CNTNAP5: variants seen among roughly 807,000 people sequenced by gnomAD.
CNTNAP5 encodes the protein contactin associated protein family member 5, also known as contactin-associated protein-like 5.
Under a neutral mutation model 150.2 loss-of-function variants are expected in CNTNAP5, and 72 were observed. The observed-to-expected ratio is 0.48, with a 90% CI of 0.40 to 0.58. CNTNAP5 has a LOEUF of 0.58. CNTNAP5 is among the 20% of genes least tolerant of loss of function. The pLI, the probability that CNTNAP5 is intolerant of heterozygous loss-of-function variation, is 0.00. For synonymous variants in CNTNAP5, 672 were observed against 619.8 expected, an observed-to-expected ratio of 1.08 and a Z score of -1.25; for missense variants, 1,636 against 1,626.2, an observed-to-expected ratio of 1.01 and a Z score of -0.10.
chr2:124,684,508 T>C (rs1356578215), intron 13 of CNTNAP5, among the ~76,000 whole-genome samples: 1 of 152,202 alleles, frequency 6.6e-6, no homozygotes, highest in Non-Finnish European at 1.5e-5. Flanking sequence ...TGACTTTCTC[T>C]TGTAAACTGG....
In CNTNAP5 at chr2:124,869,696, A is replaced by C; in HGVS notation, c.3370A>C (p.Ser1124Arg). The C allele has an allele frequency of 6.2e-7, 1 of 1,612,052 alleles. No homozygotes were observed. The highest frequency in any genetic ancestry group is 8.5e-7 in the Non-Finnish European group (1 of 1,178,654). ...GCAGATGGACCAGCAACTTCGACTC[A>C]GTTATAACTTCTCTCCGGAAGTAGA... Reference protein sequence around the residue: ...TIQMDQQLRLSYNFSPEVEFR... With the variant: ...TIQMDQQLRLRYNFSPEVEFR... The change falls in exon 21 of 24, where the codon AGT becomes CGT. Residue 1124 changes from serine (S) to arginine (R), a missense_variant. By Grantham distance (110) the Ser-to-Arg change is moderately radical (BLOSUM62 -1). Transcript: ENST00000682447.
intron 10 of CNTNAP5, among the ~76,000 whole-genome samples, chr2:124,545,243 T>G (rs926017207): frequency 6.6e-6 from 1 of 152,126 alleles, no homozygotes; most frequent in African/African-American, 2.4e-5. Context: ...TATGTTGAAG[T>G]TATTGACAGA....
chr2:124,086,710 A>G (rs12473154), intron 1 of CNTNAP5, among the ~76,000 whole-genome samples: 57,066 of 151,328 alleles, frequency 0.38, 11,606 homozygotes, highest in Admixed American at 0.44. Flanking sequence ...TGTCATATTT[A>G]TAGTAAGTTT....
At chr2:124,352,824 A>T (rs1689905797) in intron 3 of CNTNAP5, among the ~76,000 whole-genome samples, 1 of 152,206 alleles carries the variant, frequency 6.6e-6, no homozygotes, top group Non-Finnish European at 1.5e-5. Flanking sequence ...CAGCAAGATA[A>T]CTGGAAGCTG....
At chr2:124,910,947 C>T (rs893748784) in intron 22 of CNTNAP5, among the ~76,000 whole-genome samples, 5 of 151,920 alleles carry the variant, frequency 3.3e-5, no homozygotes, top group African/African-American at 9.7e-5. Context: ...TTAAGGCCTG[C>T]GTACCCTTAA....
intron 1 of CNTNAP5, among the ~76,000 whole-genome samples, chr2:124,169,389 G>A (rs1249572736): frequency 1.3e-5 from 2 of 151,980 alleles, no homozygotes; most frequent in Non-Finnish European, 2.9e-5. Flanking sequence ...TTGATTTTGA[G>A]GATGATGAAG....
At chr2:124,447,334 C>T (rs984754387) in intron 6 of CNTNAP5, among the ~76,000 whole-genome samples, 2 of 152,178 alleles carry the variant, frequency 1.3e-5, no homozygotes, top group African/African-American at 4.8e-5. Flanking sequence ...CTAAAACCTG[C>T]AGTCGAGACT....
intron 13 of CNTNAP5, among the ~76,000 whole-genome samples, chr2:124,727,928 C>T (rs576952505): frequency 4.5e-4 from 68 of 152,036 alleles, no homozygotes; most frequent in South Asian, 4.1e-3. Flanking sequence ...TTGAGTATGA[C>T]GTTAGCTGTA....
intron 1 of CNTNAP5, among the ~76,000 whole-genome samples, chr2:124,144,672 C>G (rs1308263868): frequency 1.4e-5 from 2 of 138,792 alleles, no homozygotes; most frequent in East Asian, 4.6e-4. Flanking sequence ...AAATGTTAGA[C>G]CTAAAACCAT....
intron 3 of CNTNAP5, among the ~76,000 whole-genome samples, chr2:124,399,871 C>G (rs1399923149): frequency 6.6e-6 from 1 of 152,144 alleles, no homozygotes; most frequent in African/African-American, 2.4e-5. Flanking sequence ...CTCTGAAGCA[C>G]TCTAGCCTGA....
intron 12 of CNTNAP5, among the ~76,000 whole-genome samples, 189 bp downstream of exon 12, chr2:124,610,109 A>G (rs1165594857): frequency 6.6e-6 from 1 of 152,216 alleles, no homozygotes; most frequent in African/African-American, 2.4e-5. Context: ...TGAGACAGAA[A>G]AAAGAAAACT....
At chr2:124,299,347 C>T (rs1033605311) in intron 3 of CNTNAP5, among the ~76,000 whole-genome samples, 1 of 152,148 alleles carries the variant, frequency 6.6e-6, no homozygotes, top group Non-Finnish European at 1.5e-5. Context: ...TCCCACCCTC[C>T]ACCCTCCAAA....
intron 6 of CNTNAP5, among the ~76,000 whole-genome samples, chr2:124,469,895 G>A (rs1337738382): frequency 6.6e-6 from 1 of 152,224 alleles, no homozygotes; most frequent in African/African-American, 2.4e-5. Context: ...TTCCTGCAAA[G>A]GACATGATCT....
intron 1 of CNTNAP5, among the ~76,000 whole-genome samples, chr2:124,054,109 A>C (rs1681782094): frequency 6.6e-6 from 1 of 152,196 alleles, no homozygotes; most frequent in Non-Finnish European, 1.5e-5. Flanking sequence ...ATCCTGAAAC[A>C]ATTTGACTTG....
intron 13 of CNTNAP5, among the ~76,000 whole-genome samples, chr2:124,651,212 C>A (rs1435918338): frequency 6.6e-6 from 1 of 152,198 alleles, no homozygotes; most frequent in African/African-American, 2.4e-5. Flanking sequence ...CTGGCTATTG[C>A]TAACTAGTAG....
chr2:124,671,830 G>C (rs1172932109), intron 13 of CNTNAP5, among the ~76,000 whole-genome samples: 1 of 152,080 alleles, frequency 6.6e-6, no homozygotes, highest in African/African-American at 2.4e-5. Flanking sequence ...AGTAGAGACA[G>C]AGTTTCATTA....
chr2:124,396,821 GCAATAA>G (rs1206963078), intron 3 of CNTNAP5, among the ~76,000 whole-genome samples: 3 of 152,096 alleles, frequency 2.0e-5, no homozygotes, highest in Non-Finnish European at 2.9e-5. Flanking sequence ...AATAATAATA[GCAATAA>G]CGATAACGAT....
chr2:124,171,468 G>C (rs2104664719), intron 1 of CNTNAP5, among the ~76,000 whole-genome samples: 1 of 152,254 alleles, frequency 6.6e-6, no homozygotes, highest in South Asian at 2.1e-4. Flanking sequence ...GGCACCAAGA[G>C]TCATAAGAAG....
intron 22 of CNTNAP5, 48 bp from the exon 23 acceptor site, chr2:124,911,419 C>T: frequency 2.1e-6 from 3 of 1,410,930 alleles, no homozygotes; most frequent in Non-Finnish European, 3.0e-6. Context: ...GGCTTCTTGC[C>T]AGTGCTTTGA....
Sources: gnomAD v4.1 joint callset for allele counts (sites outside exome capture counted in the v4.1 genomes callset) on GRCh38, gnomAD v4.1.1 for gene constraint, MANE v1.5 for transcripts, NCBI Gene and HGNC (gene_info 2026-07-23, HGNC 2026-07-21) for gene names.